Variants in LRMDA observed in about 807,000 individuals in gnomAD.
LRMDA encodes leucine-rich melanocyte differentiation-associated protein.
LRMDA carries 18 observed loss-of-function variants against 29.8 expected under a neutral mutation model. That is an observed-to-expected ratio of 0.60 (90% CI 0.42 to 0.90). LRMDA has a LOEUF of 0.90. LRMDA is among the 40% of genes least tolerant of loss of function. The pLI, the probability that LRMDA is intolerant of heterozygous loss-of-function variation, is 0.00. For missense variants in LRMDA, 273 were observed against 273.9 expected, an observed-to-expected ratio of 1.00 and a Z score of 0.02; for synonymous variants, 125 against 109.4, an observed-to-expected ratio of 1.14 and a Z score of -0.89.
At chr10:76,370,839 C>A (rs1841445850) in intron 6 of LRMDA, among the ~76,000 whole-genome samples, 1 of 151,952 alleles carries the variant, frequency 6.6e-6, no homozygotes, top group African/African-American at 2.4e-5. Flanking sequence ...TAGGTCAACC[C>A]ATTATAAGTT....
intron 6 of LRMDA, among the ~76,000 whole-genome samples, chr10:76,362,014 C>T (rs947916204): frequency 5.9e-5 from 9 of 152,136 alleles, no homozygotes; most frequent in African/African-American, 1.2e-4. Context: ...GTACTTCTCC[C>T]GACTGGCAAA....
intron 2 of LRMDA, among the ~76,000 whole-genome samples, chr10:75,781,126 A>G (rs1056947830): frequency 2.0e-5 from 3 of 152,174 alleles, no homozygotes; most frequent in Non-Finnish European, 4.4e-5. Flanking sequence ...TGATTGCCCC[A>G]GGTAGTCATA....
At chr10:76,471,738 T>G (rs1321992712) in intron 6 of LRMDA, among the ~76,000 whole-genome samples, 2 of 151,694 alleles carry the variant, frequency 1.3e-5, no homozygotes, top group Admixed American at 1.3e-4. Flanking sequence ...AGATGTATCA[T>G]GCAAACAACA....
intron 2 of LRMDA, among the ~76,000 whole-genome samples, chr10:75,528,402 A>G (rs891662179): frequency 5.3e-5 from 8 of 152,186 alleles, no homozygotes; most frequent in Non-Finnish European, 7.3e-5. Context: ...GCAACTAGTA[A>G]TTGAACATGC....
intron 2 of LRMDA, among the ~76,000 whole-genome samples, chr10:75,477,839 G>A (rs1437704787): frequency 6.6e-6 from 1 of 152,244 alleles, no homozygotes; most frequent in Admixed American, 6.5e-5. Flanking sequence ...CTGCTCATTT[G>A]CAAGAATTAT....
chr10:76,198,293 G>T (rs1188149402), intron 5 of LRMDA, among the ~76,000 whole-genome samples: 1 of 152,240 alleles, frequency 6.6e-6, no homozygotes, highest in Non-Finnish European at 1.5e-5. Flanking sequence ...GGTCTAGGGT[G>T]GAGGAAGACT....
chr10:76,484,521 G>A (rs747678443), intron 6 of LRMDA, among the ~76,000 whole-genome samples: 2 of 151,720 alleles, frequency 1.3e-5, no homozygotes, highest in Non-Finnish European at 2.9e-5. Flanking sequence ...AATCCTGTAT[G>A]TATTTTGTTA....
chr10:76,339,945 CT>C (rs1252184691), intron 6 of LRMDA, among the ~76,000 whole-genome samples: 3 of 92,494 alleles, frequency 3.2e-5, no homozygotes, highest in Admixed American at 2.6e-4. Context: ...CTCTTTTTCT[CT>C]TACTAGGAAT....
At chr10:76,069,582 G>A (rs1352678542) in intron 5 of LRMDA, among the ~76,000 whole-genome samples, 1 of 150,258 alleles carries the variant, frequency 6.7e-6, no homozygotes, top group Non-Finnish European at 1.5e-5. Flanking sequence ...CTAATACTCT[G>A]TCTAGGCTCC....
At position 75,927,260 on chromosome 10, in the gene LRMDA, T is replaced by G. The variant is rs549669734; in HGVS notation, c.132-108748T>G. 3.9e-5 allele frequency among the ~76,000 whole-genome samples: 6 copies of G among 152,308 alleles called. No homozygotes were observed. In the East Asian group the frequency reaches 1.2e-3, roughly 29 times the overall value. ...CTCTAGAATTTCCATCCATTGGTCC[T>G]TTTCCTAACTCCCTGGGGCTACAAA... is the stretch of plus-strand genomic sequence containing the variant. On this transcript the variant is annotated intron_variant, in intron 2 of 6. Transcript: ENST00000611255.
chr10:76,460,541 TG>T (rs1311730934), intron 6 of LRMDA, among the ~76,000 whole-genome samples: 1 of 152,236 alleles, frequency 6.6e-6, no homozygotes, highest in African/African-American at 2.4e-5. Context: ...TGAATGCCTC[TG>T]ATTATTTTCC....
At chr10:75,914,714 T>G (rs1398207160) in intron 2 of LRMDA, among the ~76,000 whole-genome samples, 1 of 152,210 alleles carries the variant, frequency 6.6e-6, no homozygotes, top group African/African-American at 2.4e-5. Flanking sequence ...AAATGATCTT[T>G]CTTGTAAACT....
At chr10:76,313,393 A>G (rs1182062619) in intron 5 of LRMDA, among the ~76,000 whole-genome samples, 1 of 152,210 alleles carries the variant, frequency 6.6e-6, no homozygotes, top group Non-Finnish European at 1.5e-5. Context: ...GTTAGTCAAA[A>G]TGTGGCTTAA....
At chr10:76,473,756 G>A (rs1172226205) in intron 6 of LRMDA, among the ~76,000 whole-genome samples, 1 of 151,570 alleles carries the variant, frequency 6.6e-6, no homozygotes. Flanking sequence ...AGCATCAAAA[G>A]AGTAAAAGAC....
chr10:76,434,598 C>T (rs1842226408), intron 6 of LRMDA, among the ~76,000 whole-genome samples: 1 of 152,188 alleles, frequency 6.6e-6, no homozygotes, highest in Non-Finnish European at 1.5e-5. Context: ...GCCATCCACT[C>T]ATCCATCTGT....
chr10:76,166,439 GTTACT>G (rs1260850879), intron 5 of LRMDA, among the ~76,000 whole-genome samples: 1 of 152,148 alleles, frequency 6.6e-6, no homozygotes, highest in Non-Finnish European at 1.5e-5. Flanking sequence ...GTATCCATTA[GTTACT>G]TCTCCTGATC....
intron 2 of LRMDA, among the ~76,000 whole-genome samples, chr10:75,457,338 T>C (rs1589149589): frequency 1.3e-5 from 2 of 152,150 alleles, no homozygotes; most frequent in East Asian, 3.8e-4. Context: ...AAGAGGAAAA[T>C]TGTCTTCCAG....
At chr10:75,726,880 C>T (rs1288689167) in intron 2 of LRMDA, among the ~76,000 whole-genome samples, 1 of 152,194 alleles carries the variant, frequency 6.6e-6, no homozygotes, top group African/African-American at 2.4e-5. Flanking sequence ...CATGATCATT[C>T]TTCCTTTAGA....
intron 5 of LRMDA, among the ~76,000 whole-genome samples, chr10:76,315,723 G>T (rs1840687310): frequency 1.3e-5 from 2 of 152,146 alleles, no homozygotes; most frequent in African/African-American, 4.8e-5. Context: ...GAAGGGGGTG[G>T]GTGCCCAGTG....
Sources: allele counts gnomAD v4.1 joint callset (sites outside exome capture counted in the v4.1 genomes callset), GRCh38; gene constraint gnomAD v4.1.1; transcripts MANE v1.5; gene names NCBI Gene and HGNC (gene_info 2026-07-23, HGNC 2026-07-21).